TUBD1: variants seen among roughly 807,000 people sequenced by gnomAD.
The protein encoded by TUBD1 is tubulin delta chain.
Under a neutral mutation model 51.2 loss-of-function variants are expected in TUBD1, and 38 were observed. The observed-to-expected ratio is 0.74, with a 90% confidence interval of 0.57 to 0.97. TUBD1 has a LOEUF of 0.97. TUBD1 is among the 50% of genes least tolerant of loss of function. TUBD1 has a pLI of 0.00. For missense variants in TUBD1, 489 were observed against 538.4 expected, an observed-to-expected ratio of 0.91 and a Z score of 0.91; for synonymous variants, 169 against 178.2, an observed-to-expected ratio of 0.95 and a Z score of 0.41.
intron 7 of TUBD1, among the ~76,000 whole-genome samples, chr17:59,864,528 G>A (rs2039610919): frequency 6.6e-6 from 1 of 151,998 alleles, no homozygotes; most frequent in Non-Finnish European, 1.5e-5. Flanking sequence ...TTTGAGACAG[G>A]ATCTTGGTCT....
intron 3 of TUBD1, 143 bp downstream of exon 3, chr17:59,885,940 C>A: frequency 1.1e-6 from 1 of 904,334 alleles, no homozygotes; most frequent in Non-Finnish European, 1.6e-6. Context: ...AAAGTTTCTT[C>A]TGGGTAAAAT....
At chr17:59,883,608 G>T (rs2040585922) in intron 3 of TUBD1, among the ~76,000 whole-genome samples, 1 of 152,056 alleles carries the variant, frequency 6.6e-6, no homozygotes. Flanking sequence ...GTTTCATCAT[G>T]TTGGCCAGGC....
intron 2 of TUBD1, among the ~76,000 whole-genome samples, chr17:59,889,000 C>A (rs1233153178): frequency 3.4e-5 from 5 of 146,574 alleles, no homozygotes; most frequent in Non-Finnish European, 7.4e-5. Context: ...GGATGAGCCA[C>A]CATGCCTGGC....
chr17:59,890,242 A>C (rs997585273), intron 2 of TUBD1, among the ~76,000 whole-genome samples: 2 of 151,982 alleles, frequency 1.3e-5, no homozygotes, highest in Non-Finnish European at 2.9e-5. Flanking sequence ...GTGGTTAAGC[A>C]GGGTCCTTTT....
chr17:59,866,797 T>G (rs957334893), intron 6 of TUBD1, 48 bp from the exon 7 acceptor site: 1 of 1,511,584 alleles, frequency 6.6e-7, no homozygotes, highest in African/African-American at 1.4e-5. Flanking sequence ...TTTACTTAGT[T>G]TTTTGAGATG....
At chr17:59,881,460 G>A (rs947888464) in intron 3 of TUBD1, among the ~76,000 whole-genome samples, 1 of 152,138 alleles carries the variant, frequency 6.6e-6, no homozygotes, top group African/African-American at 2.4e-5. Flanking sequence ...TGCTAGCAGA[G>A]GGAATTTACA....
intron 7 of TUBD1, among the ~76,000 whole-genome samples, chr17:59,865,344 G>C (rs1231027744): frequency 6.6e-6 from 1 of 150,400 alleles, no homozygotes; most frequent in African/African-American, 2.4e-5. Context: ...ATCACTTGAG[G>C]TCTGCAGTTT....
intron 4 of TUBD1, among the ~76,000 whole-genome samples, chr17:59,880,655 G>C (rs1407877012): frequency 9.9e-5 from 15 of 151,494 alleles, no homozygotes; most frequent in Non-Finnish European, 2.2e-4. Context: ...GCTGGGACTA[G>C]AGGCGCCCGC....
At chr17:59,865,666 C>T (rs188000545) in intron 7 of TUBD1, among the ~76,000 whole-genome samples, 2 of 152,214 alleles carry the variant, frequency 1.3e-5, no homozygotes, top group African/African-American at 4.8e-5. Flanking sequence ...GGTTGTCCAG[C>T]AATTCCTGCT....
intron 2 of TUBD1, among the ~76,000 whole-genome samples, chr17:59,887,321 G>C (rs1174548383): frequency 6.6e-6 from 1 of 151,802 alleles, no homozygotes; most frequent in Non-Finnish European, 1.5e-5. Flanking sequence ...GCAATGAGCT[G>C]CAATCACACC....
intron 3 of TUBD1, among the ~76,000 whole-genome samples, chr17:59,881,585 T>C (rs1267205721): frequency 6.6e-6 from 1 of 152,212 alleles, no homozygotes; most frequent in African/African-American, 2.4e-5. Flanking sequence ...TGTGTATACA[T>C]GTGTAATGAT....
chr17:59,891,869 G>A (rs1056583649), intron 1 of TUBD1: 1 of 152,028 alleles, frequency 6.6e-6, no homozygotes, highest in African/African-American at 2.4e-5. Flanking sequence ...GGAGGCTGAG[G>A]TGGGAGGATC....
rs1399285879 is a variant in TUBD1, at chr17:59,886,151, G to T, written c.252C>A (p.Gly84=). 1 of 1,613,900 alleles carries T rather than the reference G, an allele frequency of 6.2e-7. No homozygotes were observed. Among genetic ancestry groups the T allele is most frequent in the Admixed American group, 1.7e-5 (1 of 59,920 alleles). Residue 84 remains glycine, a synonymous_variant, in exon 3 of 9, where the codon GGC becomes GGA. Coordinates refer to ENST00000325752, the MANE Select transcript of TUBD1 (RefSeq NM_016261.4). ...NQMLSKAAQS[G]QWKYGQHACF... ...ATGCATGTTGACCATATTTCCATTG[G>T]CCAGACTGGGCAGCCTTTGACAGCA...
chr17:59,886,419 C>T (rs1436448148), intron 2 of TUBD1, 189 bp from the exon 3 acceptor site: 1 of 571,634 alleles, frequency 1.7e-6, no homozygotes, highest in Non-Finnish European at 3.0e-6. Context: ...CAGATGTTCA[C>T]CAAGCCCAGC....
chr17:59,885,462 G>A, intron 3 of TUBD1: 4 of 1,561,590 alleles, frequency 2.6e-6, no homozygotes. Context: ...ACCAGCCCGT[G>A]GGACCAAAGC....
At chr17:59,883,503 G>A (rs1254439286) in intron 3 of TUBD1, among the ~76,000 whole-genome samples, 3 of 151,858 alleles carry the variant, frequency 2.0e-5, no homozygotes, top group African/African-American at 4.8e-5. Flanking sequence ...CCTTTCCTCA[G>A]ATGATCTGCC....
chr17:59,892,536 G>A (rs1394291402), intron 1 of TUBD1, among the ~76,000 whole-genome samples, 161 bp downstream of exon 1: 1 of 152,130 alleles, frequency 6.6e-6, no homozygotes, highest in Non-Finnish European at 1.5e-5. Flanking sequence ...ATGTCAAACC[G>A]GCAAAGTAGG....
chr17:59,866,488 TA>T, intron 7 of TUBD1, 120 bp downstream of exon 7: 1 of 1,336,244 alleles, frequency 7.5e-7, no homozygotes, highest in Non-Finnish European at 1.0e-6. Context: ...ATTTTGCCAC[TA>T]AAACACACAG....
rs550898954 is a variant in TUBD1 at position 59,862,550 on chromosome 17, T to C, written c.1259+1114A>G. ...TTATGTTTTTTAATTTAATTTAATT[T>C]TTTTTTGAGATGGAGTCTCGCTCTT... On this transcript the variant is annotated intron_variant, in intron 8 of 8. Transcript: ENST00000325752. Among the ~76,000 whole-genome samples the C allele has an allele frequency of 1.1e-4, 16 of 151,718 alleles. No individual in the cohort carries two copies. The South Asian group carries it at 3.3e-3, about 32-fold the overall frequency.
Sources: gnomAD v4.1 joint callset for allele counts (sites outside exome capture counted in the v4.1 genomes callset) on GRCh38, gnomAD v4.1.1 for gene constraint, MANE v1.5 for transcripts, NCBI Gene and HGNC (gene_info 2026-07-23, HGNC 2026-07-21) for gene names.